The following FTCD variants were observed in gnomAD, a reference collection of about 807,000 sequenced individuals.
The protein encoded by FTCD is formimidoyltransferase cyclodeaminase, also known as formimidoyltransferase-cyclodeaminase.
In FTCD, 76 loss-of-function variants were observed where a neutral mutation model predicts 62.9. That is an observed-to-expected ratio of 1.21 (90% CI 1.00 to 1.46). The LOEUF (loss-of-function observed/expected upper bound fraction) is 1.46, where lower values mean the gene tolerates loss of function less well. Among genes scored for constraint, FTCD ranks in the 40% most tolerant of loss-of-function variants. The pLI is 0.00. For synonymous variants in FTCD, 397 were observed against 336.9 expected, an observed-to-expected ratio of 1.18 and a Z score of -1.95; for missense variants, 845 against 751.3, an observed-to-expected ratio of 1.12 and a Z score of -1.46.
chr21:46,152,723 C>T (rs569090586), intron 3 of FTCD, 184 bp downstream of exon 3: 212 of 570,836 alleles, frequency 3.7e-4, no homozygotes, highest in Non-Finnish European at 4.3e-4. Flanking sequence ...CGGGCCTGCA[C>T]GGCCGCAGGC....
chr21:46,136,833 G>A lies in FTCD; in HGVS notation c.*154C>T, dbSNP rs1348127520. The A allele has an allele frequency of 6.5e-7, 1 of 1,550,078 alleles. No individual in the cohort carries two copies. The highest frequency in any genetic ancestry group is 8.7e-7 in the Non-Finnish European group (1 of 1,146,800). On this transcript the variant is annotated 3_prime_UTR_variant, in exon 14 of 14. Coordinates refer to ENST00000397746, the MANE Select transcript of FTCD (RefSeq NM_206965.2). The stretch of plus-strand genomic sequence containing the variant: ...ATGGGACTAGGGGCCTTCTGTCCCT[G>A]CCAGCGCCTCCATTCCCAGGCGATG...
At chr21:46,145,252 G>A (rs950321288) in intron 10 of FTCD, among the ~76,000 whole-genome samples, 165 bp downstream of exon 10, 1 of 152,190 alleles carries the variant, frequency 6.6e-6, no homozygotes, top group Non-Finnish European at 1.5e-5. Context: ...GGGTGAGGGC[G>A]GTGCTGGTGG....
chr21:46,138,690 G>C (rs771633489), intron 11 of FTCD, 44 bp from the exon 12 acceptor site: 1 of 1,583,450 alleles, frequency 6.3e-7, no homozygotes, highest in Non-Finnish European at 8.6e-7. Flanking sequence ...GGCACACACA[G>C]GCAGGCAGTG....
intron 10 of FTCD, among the ~76,000 whole-genome samples, chr21:46,143,794 C>T (rs899211056): frequency 6.6e-6 from 1 of 152,172 alleles, no homozygotes; most frequent in Non-Finnish European, 1.5e-5. Context: ...CTTAGCAGAT[C>T]GGAAAAGGCA....
intron 9 of FTCD, 47 bp from the exon 10 acceptor site, chr21:46,145,625 G>A (rs747619482): frequency 1.2e-5 from 18 of 1,465,382 alleles, no homozygotes; most frequent in Admixed American, 4.2e-5. Flanking sequence ...CAGACGGCCC[G>A]GGACCGACCC....
intron 11 of FTCD, 82 bp from the exon 12 acceptor site, chr21:46,138,728 C>T: frequency 6.6e-7 from 1 of 1,512,874 alleles, no homozygotes; most frequent in South Asian, 1.1e-5. Context: ...CAGGGCTGAG[C>T]AGGCTGCAGA....
At chr21:46,145,297 C>T in intron 10 of FTCD, 120 bp downstream of exon 10, 1 of 809,334 alleles carries the variant, frequency 1.2e-6, no homozygotes, top group South Asian at 1.7e-5. Flanking sequence ...GTGACGCCCT[C>T]AGGCCCCTCC....
At chr21:46,143,171 C>G (rs546235510) in intron 10 of FTCD, among the ~76,000 whole-genome samples, 1 of 152,176 alleles carries the variant, frequency 6.6e-6, no homozygotes, top group African/African-American at 2.4e-5. Flanking sequence ...GCCTGCCTTT[C>G]TCACCCAGCC....
rs2079144814 is a variant in FTCD at position 46,146,254 on chromosome 21, G to A, written c.968+12C>T. 1.3e-6 allele frequency: 2 copies of A among 1,580,432 alleles called. No homozygotes were observed. The highest frequency in any genetic ancestry group is 1.1e-5 in the South Asian group (1 of 88,414). Reference sequence around the variant, plus strand: ...GGAGGGGTGAGAAGAGGGCGGGAGGGCAGAGGCTCACTCGATGATCCGCTC... The same window carrying A: ...GGAGGGGTGAGAAGAGGGCGGGAGGACAGAGGCTCACTCGATGATCCGCTC... On this transcript the variant is annotated intron_variant, in intron 8 of 13. Coordinates refer to ENST00000397746, the MANE Select transcript of FTCD (RefSeq NM_206965.2).
At chr21:46,140,166 C>A (rs1442920660) in intron 10 of FTCD, among the ~76,000 whole-genome samples, 13 of 152,092 alleles carry the variant, frequency 8.5e-5, no homozygotes, top group Admixed American at 8.5e-4. Context: ...CACTCCCCGT[C>A]CACCTTCACA....
downstream of FTCD, chr21:46,136,650 C>T (rs2078872698): frequency 8.8e-6 from 13 of 1,477,134 alleles, no homozygotes; most frequent in Admixed American, 2.3e-5. Flanking sequence ...GGTCTGTCTC[C>T]TCACGCTGCA....
In FTCD at chr21:46,137,152, C is replaced by A. The variant is rs564277411; in HGVS notation, c.1540-79G>T. ...GCTGGGCAGCAACCTCCGACCCCCA[C>A]TGCCCACAGCCAGTCGGCAATCACC... On this transcript the variant is annotated intron_variant, in intron 13 of 13. Coordinates refer to ENST00000397746, the MANE Select transcript of FTCD (RefSeq NM_206965.2). The A allele has an allele frequency of 5.4e-4, 867 of 1,596,084 alleles. 10 individuals are homozygous for A. In the South Asian group the frequency reaches 8.7e-3, roughly 16 times the overall value.
In FTCD at chr21:46,136,953, G is replaced by A. The variant is rs777253739; in HGVS notation, c.*34C>T. ...CTGCCCTCTGGGGATGGGCGAGGGA[G>A]GGGCCACAGAGCCCGGAGAGGCCTC... On this transcript the variant is annotated 3_prime_UTR_variant, in exon 14 of 14. Transcript: ENST00000397746. The A allele has an allele frequency of 1.9e-6, 3 of 1,612,524 alleles. No individual in the cohort carries two copies. The highest frequency in any genetic ancestry group is 1.1e-5 in the South Asian group (1 of 91,036).
At position 46,150,219 on chromosome 21, in the gene FTCD, A is replaced by G; in HGVS notation, c.806T>C (p.Leu269Pro). ...AGCCTTCAGGGGCACCAGGCCCACCAGCTGTGAGCCCACCACTGGGAGGCT... is the reference window on the plus strand; with the variant it reads ...AGCCTTCAGGGGCACCAGGCCCACCGGCTGTGAGCCCACCACTGGGAGGCT... Reference protein sequence around the residue: ...ELSLPVVGSQLVGLVPLKALL... With the variant: ...ELSLPVVGSQPVGLVPLKALL... Residue 269 changes from leucine (L) to proline (P), a missense_variant, in exon 7 of 14, where the codon CTG becomes CCG. Leu to Pro is a moderately conservative substitution (Grantham distance 98). Transcript: ENST00000397746. 1 of 1,609,652 alleles carries G rather than the reference A, an allele frequency of 6.2e-7. No individual in the cohort carries two copies. The highest frequency in any genetic ancestry group is 1.1e-5 in the South Asian group (1 of 90,400).
At position 46,153,033 on chromosome 21, in the gene FTCD, C is replaced by T. The variant is rs2079337201; in HGVS notation, c.241G>A (p.Glu81Lys). The T allele has an allele frequency of 3.2e-6, 5 of 1,548,574 alleles. No homozygotes were observed. The highest frequency in any genetic ancestry group is 4.4e-6 in the Non-Finnish European group (5 of 1,146,674). Residue 81 changes from glutamate (E) to lysine (K), a missense_variant and splice_region_variant, in exon 3 of 14, where the codon GAG becomes AAG. Transcript: ENST00000397746. ...TCTAGGGCCCCCATGCGGGGGTGCT[C>T]TCCTGCAGAGAGACGGCGAGGCCGG... The part of the protein sequence containing the change: ...RLIDMSRHQG[E>K]HPRMGALDVC...
In FTCD at chr21:46,152,900, C is replaced by T. The variant is rs536824564; in HGVS notation, c.367+7G>A. On this transcript the variant is annotated splice_region_variant and intron_variant, in intron 3 of 13. Coordinates refer to ENST00000397746, the MANE Select transcript of FTCD (RefSeq NM_206965.2). ...GCAGAGTGAGGGGGGCGGGGGGGCACGCTCACCTGGCACGTCCAGCTCCTC... is the reference window on the plus strand; with the variant it reads ...GCAGAGTGAGGGGGGCGGGGGGGCATGCTCACCTGGCACGTCCAGCTCCTC... 1.1e-5 allele frequency: 18 copies of T among 1,569,096 alleles called. No individual in the cohort carries two copies. Among genetic ancestry groups the T allele is most frequent in the South Asian group, 9.3e-5 (8 of 85,916 alleles).
chr21:46,137,408 G>C, intron 12 of FTCD, 74 bp from the exon 13 acceptor site: 2 of 1,160,274 alleles, frequency 1.7e-6, no homozygotes, highest in Non-Finnish European at 2.6e-6. Flanking sequence ...TCTGCCTGAC[G>C]GGCTCTGGGA....
intron 12 of FTCD, among the ~76,000 whole-genome samples, chr21:46,137,643 C>T (rs972421113): frequency 5.3e-5 from 8 of 152,204 alleles, no homozygotes; most frequent in South Asian, 2.1e-4. Context: ...GGAGGGCCCC[C>T]GGAGGCAGCT....
chr21:46,153,206 C>T (rs1243727133), intron 2 of FTCD, among the ~76,000 whole-genome samples, 171 bp from the exon 3 acceptor site: 30 of 152,188 alleles, frequency 2.0e-4, no homozygotes. Flanking sequence ...GCGCTCCCAG[C>T]CCTGCCCCAG....
Sources: allele counts gnomAD v4.1 joint callset (sites outside exome capture counted in the v4.1 genomes callset), GRCh38; gene constraint gnomAD v4.1.1; transcripts MANE v1.5; gene names NCBI Gene and HGNC (gene_info 2026-07-23, HGNC 2026-07-21).